Variants in NSMCE2 observed in about 807,000 individuals in gnomAD.
NSMCE2 encodes the protein E3 SUMO-protein ligase NSE2.
A neutral mutation model predicts 23.8 loss-of-function variants in NSMCE2; 24 were observed. The ratio of observed to expected loss-of-function variants is 1.01; its 90% CI spans 0.73 to 1.42. The LOEUF is 1.42. Among genes scored for constraint, NSMCE2 ranks in the 40% most tolerant of loss-of-function variants. The probability of loss-of-function intolerance (pLI) is 0.00; values close to 1 mark genes in which losing one functional copy is unlikely to be tolerated. For missense variants in NSMCE2, 284 were observed against 296.5 expected, an observed-to-expected ratio of 0.96 and a Z score of 0.31; for synonymous variants, 92 against 94.1, an observed-to-expected ratio of 0.98 and a Z score of 0.13.
At chr8:125,270,885 T>G (rs1227944643) in intron 5 of NSMCE2, 3 of 152,080 alleles carry the variant, frequency 2.0e-5, no homozygotes, top group African/African-American at 4.8e-5. Context: ...CAGGGCAACA[T>G]AGTGAGACAC....
intron 5 of NSMCE2, among the ~76,000 whole-genome samples, chr8:125,213,530 C>CTCTCT (rs1824438865): frequency 7.1e-6 from 1 of 139,888 alleles, no homozygotes; most frequent in Non-Finnish European, 1.6e-5. Flanking sequence ...CTCTCCTCTC[C>CTCTCT]TCTCCTCTCC....
chr8:125,329,913 T>C (rs571982776), intron 5 of NSMCE2, among the ~76,000 whole-genome samples: 2 of 152,176 alleles, frequency 1.3e-5, no homozygotes, highest in African/African-American at 2.4e-5. Context: ...GTGGTGGTGA[T>C]ACCATGTAGT....
intron 5 of NSMCE2, among the ~76,000 whole-genome samples, chr8:125,349,322 A>C (rs965159202): frequency 1.3e-5 from 2 of 152,246 alleles, no homozygotes; most frequent in Admixed American, 6.5e-5. Context: ...GCCTTTCCAA[A>C]TAAACTGTCT....
intron 5 of NSMCE2, among the ~76,000 whole-genome samples, chr8:125,316,691 CTTCT>C (rs1489532980): frequency 1.5e-5 from 1 of 65,268 alleles, no homozygotes; most frequent in Admixed American, 2.2e-4. Flanking sequence ...TCTTATCTTC[CTTCT>C]TTCCTTCCTT....
At chr8:125,243,232 G>C (rs1169597977) in intron 5 of NSMCE2, among the ~76,000 whole-genome samples, 1 of 152,174 alleles carries the variant, frequency 6.6e-6, no homozygotes, top group East Asian at 1.9e-4. Context: ...AAGAGAGCAT[G>C]TCAGATGAGT....
chr8:125,291,440 TG>T (rs1828100720), intron 5 of NSMCE2, among the ~76,000 whole-genome samples: 1 of 152,222 alleles, frequency 6.6e-6, no homozygotes, highest in Non-Finnish European at 1.5e-5. Flanking sequence ...TGGAGCTCGA[TG>T]TAATTATATA....
intron 3 of NSMCE2, among the ~76,000 whole-genome samples, chr8:125,129,866 C>CA (rs1218387583): frequency 3.3e-5 from 5 of 152,014 alleles, no homozygotes; most frequent in Non-Finnish European, 7.4e-5. Flanking sequence ...CCCATATACC[C>CA]ATACCCTCAC....
intron 5 of NSMCE2, among the ~76,000 whole-genome samples, chr8:125,208,879 A>C (rs972835015): frequency 6.6e-6 from 1 of 152,242 alleles, no homozygotes; most frequent in Non-Finnish European, 1.5e-5. Flanking sequence ...ATGCAATAAC[A>C]TGACTATAGA....
chr8:125,154,714 C>T (rs1044713178), intron 4 of NSMCE2, among the ~76,000 whole-genome samples: 2 of 152,084 alleles, frequency 1.3e-5, no homozygotes, highest in Non-Finnish European at 2.9e-5. Flanking sequence ...TATTTTCAGT[C>T]ATAAGACCAA....
chr8:125,181,520 A>G (rs1822807198), intron 4 of NSMCE2, among the ~76,000 whole-genome samples: 1 of 152,148 alleles, frequency 6.6e-6, no homozygotes, highest in Non-Finnish European at 1.5e-5. Flanking sequence ...AAAATTTATA[A>G]TATTGGGAAA....
chr8:125,140,519 T>A (rs554695400), intron 3 of NSMCE2, among the ~76,000 whole-genome samples: 2 of 152,146 alleles, frequency 1.3e-5, no homozygotes, highest in Admixed American at 6.5e-5. Flanking sequence ...AAAAATTAGC[T>A]GGGCGTGGTA....
intron 3 of NSMCE2, among the ~76,000 whole-genome samples, chr8:125,141,221 C>T (rs546001254): frequency 3.3e-4 from 51 of 152,270 alleles, no homozygotes; most frequent in Non-Finnish European, 6.9e-4. Context: ...ATGTCGTGGT[C>T]TCCATCACTC....
chr8:125,290,351 G>C (rs529168496), intron 5 of NSMCE2, among the ~76,000 whole-genome samples: 1 of 152,084 alleles, frequency 6.6e-6, no homozygotes, highest in Non-Finnish European at 1.5e-5. Flanking sequence ...TAAGCTGTAA[G>C]GAAAAAGGGG....
At chr8:125,218,164 A>G (rs1165171454) in intron 5 of NSMCE2, among the ~76,000 whole-genome samples, 3 of 152,206 alleles carry the variant, frequency 2.0e-5, no homozygotes, top group Non-Finnish European at 2.9e-5. Flanking sequence ...TCTGAGCTGC[A>G]TGCATCCCAC....
chr8:125,347,176 A>G (rs145078267), intron 5 of NSMCE2, among the ~76,000 whole-genome samples: 2 of 152,360 alleles, frequency 1.3e-5, no homozygotes, highest in East Asian at 1.9e-4. Flanking sequence ...TCTCCATTTC[A>G]TAGCTGAGAA....
intron 5 of NSMCE2, among the ~76,000 whole-genome samples, chr8:125,249,564 G>A (rs1314584959): frequency 6.6e-6 from 1 of 152,148 alleles, no homozygotes; most frequent in Non-Finnish European, 1.5e-5. Flanking sequence ...GACTTTGAAT[G>A]CCACCTACTC....
chr8:125,108,640 A>G (rs771327859), intron 3 of NSMCE2, among the ~76,000 whole-genome samples: 9 of 152,364 alleles, frequency 5.9e-5, no homozygotes, highest in Middle Eastern at 3.4e-3. Context: ...TAGCTATCAT[A>G]TATGACAACC....
At chr8:125,192,521 G>A (rs545553527) in intron 5 of NSMCE2, among the ~76,000 whole-genome samples, 12 of 123,328 alleles carry the variant, frequency 9.7e-5, no homozygotes, top group African/African-American at 5.8e-4. Flanking sequence ...ATATGTATAT[G>A]GTAGCAAATA....
At chr8:125,294,587 T>G (rs1178081803) in intron 5 of NSMCE2, among the ~76,000 whole-genome samples, 1 of 152,230 alleles carries the variant, frequency 6.6e-6, no homozygotes, top group Non-Finnish European at 1.5e-5. Flanking sequence ...GGGCTAAACT[T>G]GCGATCGTAT....
Sources: gnomAD v4.1 joint callset for allele counts (sites outside exome capture counted in the v4.1 genomes callset) on GRCh38, gnomAD v4.1.1 for gene constraint, MANE v1.5 for transcripts, NCBI Gene and HGNC (gene_info 2026-07-23, HGNC 2026-07-21) for gene names.